Variants in TMPRSS11E observed in about 807,000 individuals in gnomAD.
TMPRSS11E encodes the protein transmembrane protease serine 11E.
In TMPRSS11E, 38 loss-of-function variants were observed where a neutral mutation model predicts 48.1. The ratio of observed to expected loss-of-function variants is 0.79; its 90% CI spans 0.61 to 1.04. The LOEUF is 1.04. Among genes scored for constraint, TMPRSS11E ranks in the 50% least tolerant of loss-of-function variants. The pLI, the probability that TMPRSS11E is intolerant of heterozygous loss-of-function variation, is 0.00. For missense variants in TMPRSS11E, 530 were observed against 510.8 expected (o/e 1.04, Z -0.36); for synonymous variants, 158 against 171.9 (o/e 0.92, Z 0.63).
In TMPRSS11E at chr4:68,476,246, C is replaced by T. The variant is rs1347867565; in HGVS notation, c.530-15C>T. 10 of 1,613,444 alleles carry T rather than the reference C, an allele frequency of 6.2e-6. No individual in the cohort carries two copies. Among genetic ancestry groups the T allele is most frequent in the Middle Eastern group, 1.8e-4 (1 of 5,670 alleles). ...TAATGCACCCACCAATGCACCCCCC[C>T]TCTCTCTTTTGCAGGCTGCGGAACA... is the stretch of plus-strand genomic sequence containing the variant. On this transcript the variant is annotated splice_polypyrimidine_tract_variant and intron_variant, in intron 6 of 9. Coordinates refer to ENST00000305363, the MANE Select transcript of TMPRSS11E (RefSeq NM_014058.4).
intron 9 of TMPRSS11E, among the ~76,000 whole-genome samples, chr4:68,493,668 T>C (rs1729792877): frequency 6.6e-6 from 1 of 152,134 alleles, no homozygotes. Context: ...GGTTTCACCA[T>C]GTTGGTGAAA....
At chr4:68,456,312 T>C (rs935721739) in intron 1 of TMPRSS11E, among the ~76,000 whole-genome samples, 1 of 152,018 alleles carries the variant, frequency 6.6e-6, no homozygotes, top group African/African-American at 2.4e-5. Flanking sequence ...GTAATTATTA[T>C]GGTAGGGAAT....
chr4:68,459,223 A>G (rs912049875), intron 1 of TMPRSS11E, among the ~76,000 whole-genome samples: 14 of 152,134 alleles, frequency 9.2e-5, no homozygotes, highest in Admixed American at 2.0e-4. Context: ...TAATGTGGAA[A>G]GGTGGGGGTC....
rs1052248795 is a variant in TMPRSS11E, at chr4:68,466,506, T to C, written c.137-125T>C. On this transcript the variant is annotated intron_variant, in intron 2 of 9. Coordinates refer to ENST00000305363, the MANE Select transcript of TMPRSS11E (RefSeq NM_014058.4). ...TATGAGGCCTGGGGCAGGATGATGA[T>C]GATGACCTGTGCTAAGAGCATTCCT... 11 of 937,022 alleles carry C rather than the reference T, an allele frequency of 1.2e-5. No individual in the cohort carries two copies. In the African/African-American group the frequency reaches 1.8e-4, roughly 16 times the overall value. The allele number at this position is 937,022 out of a possible 1,614,324, so 58.0% of individuals were successfully genotyped here.
At position 68,497,196 on chromosome 4, in the gene TMPRSS11E, A is replaced by C. The variant is rs1729896468; in HGVS notation, c.*392A>C. The C allele has an allele frequency of 6.4e-6, 1 of 155,864 alleles. No homozygotes were observed. The highest frequency in any genetic ancestry group is 2.4e-5 in the African/African-American group (1 of 41,610). 9.7% of individuals were successfully genotyped at this position (155,864 alleles called of 1,614,324 possible). A position where few individuals can be genotyped will look rare whatever the true frequency, so the allele number is the denominator to read the frequency against. On this transcript the variant is annotated 3_prime_UTR_variant, in exon 10 of 10. Coordinates refer to ENST00000305363, the MANE Select transcript of TMPRSS11E (RefSeq NM_014058.4). The stretch of plus-strand genomic sequence containing the variant: ...TCCTCAGCTCCTCTCATTTCAGCAA[A>C]TATCCATTTTCAAGGTGCAGAACAA...
intron 1 of TMPRSS11E, among the ~76,000 whole-genome samples, chr4:68,449,284 G>C (rs1728430858): frequency 6.6e-6 from 1 of 151,666 alleles, no homozygotes; most frequent in South Asian, 2.1e-4. Flanking sequence ...GAAAGTTAAA[G>C]AAAACTCTAT....
At chr4:68,468,023 A>G (rs1728970169) in intron 3 of TMPRSS11E, among the ~76,000 whole-genome samples, 1 of 152,118 alleles carries the variant, frequency 6.6e-6, no homozygotes, top group Non-Finnish European at 1.5e-5. Context: ...TAACCCTTAA[A>G]TAAAAATTTT....
At chr4:68,467,068 G>GTATA in intron 3 of TMPRSS11E, among the ~76,000 whole-genome samples, 1 of 152,058 alleles carries the variant, frequency 6.6e-6, no homozygotes, top group Admixed American at 6.6e-5. Context: ...AAATATATTT[G>GTATA]TTGTATCCTA....
intron 9 of TMPRSS11E, among the ~76,000 whole-genome samples, chr4:68,484,401 G>A (rs1729494910): frequency 6.6e-6 from 1 of 152,020 alleles, no homozygotes; most frequent in Admixed American, 6.5e-5. Flanking sequence ...TGAACTCCTG[G>A]GCTCAAGCGA....
At chr4:68,496,608 A>C in intron 9 of TMPRSS11E, 35 bp from the exon 10 acceptor site, 1 of 1,590,692 alleles carries the variant, frequency 6.3e-7, no homozygotes, top group African/African-American at 1.4e-5. Flanking sequence ...TAATGAACTG[A>C]ATTATGAATT....
At chr4:68,484,153 T>G (rs1450972066) in intron 9 of TMPRSS11E, among the ~76,000 whole-genome samples, 3 of 152,178 alleles carry the variant, frequency 2.0e-5, no homozygotes, top group Non-Finnish European at 2.9e-5. Flanking sequence ...ATTACAACAG[T>G]TTTTACTAAT....
In TMPRSS11E at chr4:68,476,241, C is replaced by A. The variant is rs750359378; in HGVS notation, c.530-20C>A. 14 of 1,613,052 alleles carry A rather than the reference C, an allele frequency of 8.7e-6. No individual in the cohort carries two copies. Among genetic ancestry groups the A allele is most frequent in the Non-Finnish European group, 1.2e-5 (14 of 1,179,862 alleles). On this transcript the variant is annotated intron_variant, in intron 6 of 9. Coordinates refer to ENST00000305363, the MANE Select transcript of TMPRSS11E (RefSeq NM_014058.4). The stretch of plus-strand genomic sequence containing the variant: ...CTAATTAATGCACCCACCAATGCAC[C>A]CCCCCTCTCTCTTTTGCAGGCTGCG...
At position 68,487,837 on chromosome 4, in the gene TMPRSS11E, A is replaced by C. The variant is rs145173707; in HGVS notation, c.1111-8806A>C. Among the ~76,000 whole-genome samples, 554 of 147,872 alleles carry C rather than the reference A, an allele frequency of 3.7e-3. 5 individuals are homozygous for C. Among genetic ancestry groups the C allele is most frequent in the African/African-American group, 0.012 (489 of 40,070 alleles). On this transcript the variant is annotated intron_variant, in intron 9 of 9. Coordinates refer to ENST00000305363, the MANE Select transcript of TMPRSS11E (RefSeq NM_014058.4). ...GCGCCTGTAATCCCAGCTATTCGGG[A>C]GGCTGAGGCAGGAGAATTGCTTTCA...
intron 1 of TMPRSS11E, among the ~76,000 whole-genome samples, chr4:68,458,021 T>C (rs1490167469): frequency 6.6e-6 from 1 of 152,120 alleles, no homozygotes; most frequent in Non-Finnish European, 1.5e-5. Context: ...CCATGGCACG[T>C]GTATACCTAT....
intron 4 of TMPRSS11E, among the ~76,000 whole-genome samples, chr4:68,469,161 G>T (rs1264400987): frequency 6.6e-6 from 1 of 152,000 alleles, no homozygotes; most frequent in African/African-American, 2.4e-5. Flanking sequence ...AGGTATAATT[G>T]GTGCCTATGT....
chr4:68,486,453 A>G (rs28874699), intron 9 of TMPRSS11E, among the ~76,000 whole-genome samples: 5,103 of 152,242 alleles, frequency 0.034, 294 homozygotes, highest in African/African-American at 0.12. Context: ...TATAATTTTG[A>G]GAGATCTTGG....
At chr4:68,460,797 G>GGATCAAT (rs1478634273) in intron 1 of TMPRSS11E, among the ~76,000 whole-genome samples, 1 of 151,900 alleles carries the variant, frequency 6.6e-6, no homozygotes, top group Non-Finnish European at 1.5e-5. Flanking sequence ...AAAATCATGT[G>GGATCAAT]GATCAATGTT....
intron 2 of TMPRSS11E, among the ~76,000 whole-genome samples, chr4:68,463,594 T>G (rs1443533475): frequency 6.6e-6 from 1 of 152,232 alleles, no homozygotes; most frequent in African/African-American, 2.4e-5. Flanking sequence ...TAAGCCACTG[T>G]GCTGGGACTG....
intron 1 of TMPRSS11E, among the ~76,000 whole-genome samples, chr4:68,452,457 C>CT (rs1728523658): frequency 6.6e-6 from 1 of 151,894 alleles, no homozygotes; most frequent in East Asian, 1.9e-4. Flanking sequence ...CTTTACAACA[C>CT]TGAGAATCAG....
Sources: allele counts gnomAD v4.1 joint callset (sites outside exome capture counted in the v4.1 genomes callset), GRCh38; gene constraint gnomAD v4.1.1; transcripts MANE v1.5; gene names NCBI Gene and HGNC (gene_info 2026-07-23, HGNC 2026-07-21).